IQCE: variants seen among roughly 807,000 people sequenced by gnomAD.
IQCE encodes IQ motif containing E, also known as IQ domain-containing protein E.
Under a neutral mutation model 96.0 loss-of-function variants are expected in IQCE, and 115 were observed. The ratio of observed to expected loss-of-function variants is 1.20; its 90% CI spans 1.03 to 1.40. The LOEUF is 1.40. Among genes scored for constraint, IQCE ranks in the 40% most tolerant of loss-of-function variants. The pLI, the probability that IQCE is intolerant of heterozygous loss-of-function variation, is 0.00. For missense variants in IQCE, 1,041 were observed against 909.1 expected, an observed-to-expected ratio of 1.15 and a Z score of -1.87; for synonymous variants, 412 against 371.2, an observed-to-expected ratio of 1.11 and a Z score of -1.26.
chr7:2,595,264 G>T (rs991359714), intron 16 of IQCE, among the ~76,000 whole-genome samples: 2 of 152,208 alleles, frequency 1.3e-5, no homozygotes, highest in African/African-American at 2.4e-5. Flanking sequence ...TTATGCGGCC[G>T]GAGCTGTCAC....
At chr7:2,602,110 C>G (rs1177951831) in intron 18 of IQCE, among the ~76,000 whole-genome samples, 1 of 152,120 alleles carries the variant, frequency 6.6e-6, no homozygotes, top group East Asian at 1.9e-4. Flanking sequence ...CTGGGGGTGG[C>G]CAGCCCTGCA....
At chr7:2,581,133 G>A (rs910923559) in intron 8 of IQCE, among the ~76,000 whole-genome samples, 8 of 151,978 alleles carry the variant, frequency 5.3e-5, no homozygotes, top group Non-Finnish European at 5.9e-5. Context: ...ATGAGCCACC[G>A]CGCCCAGCCC....
At position 2,578,262 on chromosome 7, in the gene IQCE, C is replaced by T. The variant is rs1211454900; in HGVS notation, c.486C>T (p.Ser162=). The change falls in exon 7 of 22, where the codon AGC becomes AGT. Residue 162 remains serine, a synonymous_variant. Transcript: ENST00000402050. ...ELKKSLHVQK[S]DVDLMRTKLR... ...TTCAGTCATTGCACGTGCAGAAGAG[C>T]GACGTGGACCTGATGAGAACGAAGC... The T allele has an allele frequency of 3.7e-6, 6 of 1,613,374 alleles. No individual in the cohort carries two copies. Among genetic ancestry groups the T allele is most frequent in the East Asian group, 2.2e-5 (1 of 44,884 alleles).
intron 13 of IQCE, 94 bp from the exon 14 acceptor site, chr7:2,589,813 C>A: frequency 1.6e-6 from 2 of 1,240,118 alleles, no homozygotes; most frequent in South Asian, 1.3e-5. Context: ...GCTGGAGACT[C>A]AGTTTGCCCT....
chr7:2,578,450 T>A, intron 7 of IQCE, 26 bp from the exon 8 acceptor site: 1 of 1,614,112 alleles, frequency 6.2e-7, no homozygotes, highest in Non-Finnish European at 8.5e-7. Context: ...GAAGGCCGTC[T>A]TCATGTCTCA....
intron 17 of IQCE, among the ~76,000 whole-genome samples, chr7:2,600,789 G>A (rs923973378): frequency 9.2e-5 from 14 of 152,140 alleles, no homozygotes; most frequent in Non-Finnish European, 1.5e-4. Flanking sequence ...TGGTCATTCC[G>A]TGCCATTAAG....
intron 18 of IQCE, among the ~76,000 whole-genome samples, 194 bp from the exon 19 acceptor site, chr7:2,604,687 G>T (rs1784662502): frequency 6.6e-6 from 1 of 152,174 alleles, no homozygotes; most frequent in African/African-American, 2.4e-5. Context: ...AGCTCCCTGG[G>T]GCGCCAGTGA....
chr7:2,593,958 C>T (rs1783815745), intron 15 of IQCE, among the ~76,000 whole-genome samples: 2 of 152,194 alleles, frequency 1.3e-5, no homozygotes, highest in Non-Finnish European at 2.9e-5. Context: ...AAGACATAGA[C>T]TACCGGAATG....
chr7:2,593,339 AG>A (rs1413661310), intron 15 of IQCE, among the ~76,000 whole-genome samples: 2 of 152,374 alleles, frequency 1.3e-5, no homozygotes, highest in African/African-American at 4.8e-5. Flanking sequence ...GCCACCTCTC[AG>A]GGGCGTCCTC....
intron 6 of IQCE, among the ~76,000 whole-genome samples, chr7:2,576,988 G>A (rs1424993233): frequency 2.6e-5 from 4 of 152,166 alleles, no homozygotes; most frequent in Non-Finnish European, 4.4e-5. Context: ...CACGGGTTCC[G>A]TTGGTATCTA....
At chr7:2,591,684 A>G (rs1783599090) in intron 14 of IQCE, among the ~76,000 whole-genome samples, 1 of 150,092 alleles carries the variant, frequency 6.7e-6, no homozygotes, top group Non-Finnish European at 1.5e-5. Context: ...TTAGTGGCAC[A>G]ATCTGGGCTC....
chr7:2,559,495 G>A (rs1392517957), intron 1 of IQCE: 1 of 233,462 alleles, frequency 4.3e-6, no homozygotes, highest in Non-Finnish European at 8.2e-6. Context: ...GCGAGTCTGC[G>A]GCCCGCAGGT....
chr7:2,571,312 C>G (rs543520822), intron 3 of IQCE: 53 of 546,016 alleles, frequency 9.7e-5, no homozygotes, highest in South Asian at 9.1e-4. Context: ...AGCCACCATG[C>G]CTGGCCTCAT....
chr7:2,589,686 C>T (rs1164461272), intron 13 of IQCE, among the ~76,000 whole-genome samples: 1 of 151,818 alleles, frequency 6.6e-6, no homozygotes, highest in African/African-American at 2.4e-5. Context: ...TGGCGGGGGT[C>T]TGCGCGTGCC....
rs1235558434 is a variant in IQCE at position 2,611,733 on chromosome 7, CCT to C, written c.*1572_*1573del. ...CCACCCTGCGGTTCGAAGCCTGGCC[CCT>C]GTCTCCACTTAGCTTCTGTTTCTGC... On this transcript the variant is annotated 3_prime_UTR_variant, in exon 22 of 22. Transcript: ENST00000402050. 1.3e-5 allele frequency: 2 copies of C among 152,392 alleles called. No individual in the cohort carries two copies. The highest frequency in any genetic ancestry group is 4.8e-5 in the African/African-American group (2 of 41,572). The allele number at this position is 152,392 out of a possible 1,614,324, so 9.4% of individuals were successfully genotyped here.
chr7:2,578,123 T>G lies in IQCE; in HGVS notation c.466-119T>G, dbSNP rs35922209. 3.9e-4 allele frequency: 219 copies of G among 565,098 alleles called. No homozygotes were observed. In the African/African-American group the frequency reaches 6.2e-3, roughly 16 times the overall value. 35.0% of individuals were successfully genotyped at this position (565,098 alleles called of 1,614,324 possible). ...AGTGGCGTGTGCGTGGCTGTGCGCG[T>G]GGGGACGTGTGTGCGGCGTGCCCGC... On this transcript the variant is annotated intron_variant, in intron 6 of 21. Coordinates refer to ENST00000402050, the MANE Select transcript of IQCE (RefSeq NM_152558.5).
Position 2,607,231 on chromosome 7 carries a change from A to AT in IQCE, c.1969+7dup, listed in dbSNP as rs1335540099. The AT allele has an allele frequency of 6.2e-7, 1 of 1,613,460 alleles. No homozygotes were observed. Among genetic ancestry groups the AT allele is most frequent in the South Asian group, 1.1e-5 (1 of 90,972 alleles). ...CCCTTCCTCGCAGCTCTTCCTGGTA[A>AT]TTTCATTCATTTGGATTCTGGCACC... On this transcript the variant is annotated splice_donor_region_variant and intron_variant, in intron 21 of 21. Coordinates refer to ENST00000402050, the MANE Select transcript of IQCE (RefSeq NM_152558.5).
At chr7:2,575,653 G>GCGGTTCCTGCCTGT (rs1482302682) in intron 6 of IQCE, among the ~76,000 whole-genome samples, 1 of 152,208 alleles carries the variant, frequency 6.6e-6, no homozygotes, top group Non-Finnish European at 1.5e-5. Context: ...CTGGGGTAGA[G>GCGGTTCCTGCCTGT]CGGTTCCTGC....
chr7:2,590,049 C>T lies in IQCE; in HGVS notation c.1187C>T (p.Ala396Val), dbSNP rs377481463. The T allele has an allele frequency of 2.2e-5, 36 of 1,613,492 alleles. No individual in the cohort carries two copies. In the Admixed American group the frequency reaches 2.3e-4, roughly 10 times the overall value. ...AAGGACCACGAGCGTCTCCGAGGGGCTGTGAGAGACCTGAAGGAAGAGCGG... is the reference window on the plus strand; with the variant it reads ...AAGGACCACGAGCGTCTCCGAGGGGTTGTGAGAGACCTGAAGGAAGAGCGG... ...RNKDHERLRG[A>V]VRDLKEERTA... is the part of the protein sequence containing the mutation. Residue 396 changes from alanine (A) to valine (V), a missense_variant, in exon 14 of 22, where the codon GCT (alanine) becomes GTT (valine). Physicochemically the swap from Ala to Val is moderately conservative, Grantham distance 64. Transcript: ENST00000402050.
Sources: allele counts gnomAD v4.1 joint callset (sites outside exome capture counted in the v4.1 genomes callset), GRCh38; gene constraint gnomAD v4.1.1; transcripts MANE v1.5; gene names NCBI Gene and HGNC (gene_info 2026-07-23, HGNC 2026-07-21).